The following CCDC12 variants were observed in gnomAD, a reference collection of about 807,000 sequenced individuals.
The protein encoded by CCDC12 is coiled-coil domain containing 12.
A neutral mutation model predicts 25.7 loss-of-function variants in CCDC12; 28 were observed. The observed-to-expected ratio is 1.09, with a 90% CI of 0.81 to 1.50. The LOEUF is 1.50. CCDC12 is among the 40% of genes most tolerant of loss of function. CCDC12 has a pLI of 0.00. For synonymous variants in CCDC12, 75 were observed against 87.7 expected (o/e 0.86, Z 0.81); for missense variants, 198 against 210.0 (o/e 0.94, Z 0.35).
chr3:46,938,501 A>AGG (rs1374889949), intron 2 of CCDC12, among the ~76,000 whole-genome samples: 1 of 145,728 alleles, frequency 6.9e-6, no homozygotes, highest in East Asian at 2.0e-4. Context: ...TATTCCAGAC[A>AGG]GGTTTGTTCC....
intron 2 of CCDC12, among the ~76,000 whole-genome samples, chr3:46,939,685 C>A (rs1375360209): frequency 6.6e-6 from 1 of 152,204 alleles, no homozygotes; most frequent in African/African-American, 2.4e-5. Flanking sequence ...TTTAGCATCA[C>A]CAGCCTCTAA....
intron 1 of CCDC12, among the ~76,000 whole-genome samples, chr3:46,970,427 G>A (rs1000231189): frequency 1.3e-5 from 2 of 152,142 alleles, no homozygotes; most frequent in African/African-American, 2.4e-5. Context: ...GTGCCTGGCC[G>A]GTAGCCACAT....
At chr3:46,930,655 A>G (rs1408205442) in intron 2 of CCDC12, among the ~76,000 whole-genome samples, 1 of 152,256 alleles carries the variant, frequency 6.6e-6, no homozygotes, top group African/African-American at 2.4e-5. Context: ...CAGGGACCCC[A>G]GTGTCCCCAA....
chr3:46,951,798 A>AT lies in CCDC12; in HGVS notation c.97-10734_97-10733insA, dbSNP rs1553649459. Reference sequence around the variant, plus strand: ...CCGTCTCAAAAAAAAAAAAAAAAAAAATATATATATATATATATATATATA... The same window carrying AT: ...CCGTCTCAAAAAAAAAAAAAAAAAAATATATATATATATATATATATATATA... On this transcript the variant is annotated intron_variant, in intron 1 of 6. Coordinates refer to ENST00000683445, the MANE Select transcript of CCDC12 (RefSeq NM_001277074.2). Among the ~76,000 whole-genome samples, 16 of 8,456 alleles carry AT rather than the reference A, an allele frequency of 1.9e-3. 1 individual carries two copies. Among genetic ancestry groups the AT allele is most frequent in the African/African-American group, 3.9e-3 (16 of 4,058 alleles). The allele number at this position is 8,456 out of a possible 152,430, so 5.5% of individuals were successfully genotyped here.
chr3:46,929,883 T>C (rs1379440123), intron 2 of CCDC12, among the ~76,000 whole-genome samples: 3 of 151,512 alleles, frequency 2.0e-5, no homozygotes, highest in Non-Finnish European at 2.9e-5. Context: ...AAACAAAAAT[T>C]AGCCAGATGT....
At chr3:46,970,742 G>A (rs1414110119) in intron 1 of CCDC12, among the ~76,000 whole-genome samples, 1 of 152,212 alleles carries the variant, frequency 6.6e-6, no homozygotes, top group Non-Finnish European at 1.5e-5. Flanking sequence ...CCTTTAGAGA[G>A]CCTCCATTTG....
At chr3:46,962,298 G>A (rs1056398672) in intron 1 of CCDC12, among the ~76,000 whole-genome samples, 1 of 151,916 alleles carries the variant, frequency 6.6e-6, no homozygotes, top group Non-Finnish European at 1.5e-5. Flanking sequence ...GCTGGGCATG[G>A]TGGTGGGCAC....
chr3:46,950,482 T>TAGC (rs1697157231), intron 1 of CCDC12, among the ~76,000 whole-genome samples: 1 of 9,626 alleles, frequency 1.0e-4, no homozygotes, highest in Admixed American at 3.3e-3. Context: ...CATGCACAGC[T>TAGC]TTTTTTTTTT....
chr3:46,981,435 C>T (rs537886312), upstream of CCDC12, among the ~76,000 whole-genome samples: 3 of 151,550 alleles, frequency 2.0e-5, no homozygotes, highest in South Asian at 2.1e-4. Flanking sequence ...AGTGAGACTC[C>T]GTCTCAAAAA....
intron 1 of CCDC12, among the ~76,000 whole-genome samples, chr3:46,946,716 T>C (rs2033920530): frequency 6.6e-6 from 1 of 152,176 alleles, no homozygotes; most frequent in Non-Finnish European, 1.5e-5. Flanking sequence ...GATCCTCCAC[T>C]CCCAGCCTGG....
At chr3:46,959,077 G>T (rs1010784652) in intron 1 of CCDC12, among the ~76,000 whole-genome samples, 1 of 152,144 alleles carries the variant, frequency 6.6e-6, no homozygotes, top group Non-Finnish European at 1.5e-5. Flanking sequence ...CTGCTCTCTG[G>T]TGTGATCTAC....
At chr3:46,972,511 T>C (rs989696423) in intron 1 of CCDC12, among the ~76,000 whole-genome samples, 4 of 152,108 alleles carry the variant, frequency 2.6e-5, no homozygotes, top group Non-Finnish European at 5.9e-5. Context: ...AAAGAAAATA[T>C]ATATACAAGT....
At chr3:46,931,010 C>G (rs556683265) in intron 2 of CCDC12, among the ~76,000 whole-genome samples, 2 of 152,324 alleles carry the variant, frequency 1.3e-5, no homozygotes, top group South Asian at 4.1e-4. Flanking sequence ...AGAAGGCACT[C>G]AAGAAAGAGC....
At chr3:46,964,092 C>T (rs933959598) in intron 1 of CCDC12, among the ~76,000 whole-genome samples, 1 of 151,948 alleles carries the variant, frequency 6.6e-6, no homozygotes, top group African/African-American at 2.4e-5. Context: ...GTGAGGAGCG[C>T]CTCTGCCTAG....
At chr3:46,932,047 T>A (rs1324252344) in intron 2 of CCDC12, among the ~76,000 whole-genome samples, 1 of 151,928 alleles carries the variant, frequency 6.6e-6, no homozygotes, top group Non-Finnish European at 1.5e-5. Context: ...GACAGAAGCA[T>A]GAAAATGAGG....
chr3:46,932,056 G>A (rs373414811), intron 2 of CCDC12, among the ~76,000 whole-genome samples: 8 of 152,250 alleles, frequency 5.3e-5, no homozygotes, highest in South Asian at 2.1e-4. Flanking sequence ...ATGAAAATGA[G>A]GGGAGAGGCA....
chr3:46,976,681 G>A lies in CCDC12; in HGVS notation c.52C>T (p.Arg18Ter). Residue 18 changes from arginine to a stop codon, truncating the protein, a stop_gained, in exon 1 of 7, where the codon CGA becomes TGA. Coordinates refer to ENST00000683445, the MANE Select transcript of CCDC12 (RefSeq NM_001277074.2). LOFTEE classifies it high-confidence loss of function. ...VGRLEEEALR[R>*]KERLKALREK... ...CGTAGGGCCTTCAGCCGTTCCTTTC[G>A]CCGCAACGCCTCTTCCTCTAGCCGG... The A allele has an allele frequency of 6.2e-7, 1 of 1,609,202 alleles. No individual in the cohort carries two copies.
chr3:46,937,187 T>C (rs569506764), intron 2 of CCDC12, among the ~76,000 whole-genome samples: 2 of 151,354 alleles, frequency 1.3e-5, no homozygotes, highest in Admixed American at 6.6e-5. Context: ...TAAAGGAGAG[T>C]TGGGGTGATG....
At chr3:46,949,107 GA>G (rs969626562) in intron 1 of CCDC12, among the ~76,000 whole-genome samples, 1 of 152,196 alleles carries the variant, frequency 6.6e-6, no homozygotes, top group Non-Finnish European at 1.5e-5. Context: ...TAGTGGATGA[GA>G]AATCTGGAGC....
Sources: gnomAD v4.1 joint callset for allele counts (sites outside exome capture counted in the v4.1 genomes callset) on GRCh38, gnomAD v4.1.1 for gene constraint, MANE v1.5 for transcripts, NCBI Gene and HGNC (gene_info 2026-07-23, HGNC 2026-07-21) for gene names.